The following SATB1 variants were observed in gnomAD, a reference collection of about 807,000 sequenced individuals.
SATB1 encodes the protein SATB homeobox 1.
Under a neutral mutation model 86.9 loss-of-function variants are expected in SATB1, and 11 were observed. The ratio of observed to expected loss-of-function variants is 0.13; its 90% CI spans 0.08 to 0.21. The LOEUF is 0.21. Ranked by LOEUF, SATB1 falls within the 10% of genes least tolerant of loss-of-function variation. The probability of loss-of-function intolerance (pLI) is 1.00; values close to 1 mark genes in which losing one functional copy is unlikely to be tolerated. For missense variants in SATB1, 551 were observed against 937.6 expected, an observed-to-expected ratio of 0.59 and a Z score of 5.39; for synonymous variants, 357 against 357.2, an observed-to-expected ratio of 1.00 and a Z score of 0.01.
chr3:18,364,646 G>A (rs543342973), intron 9 of SATB1, among the ~76,000 whole-genome samples: 1 of 151,970 alleles, frequency 6.6e-6, no homozygotes, highest in Admixed American at 6.6e-5. Context: ...CCCTAAATGG[G>A]TGACCCTTCC....
chr3:18,392,222 T>C (rs1019722853), intron 7 of SATB1, among the ~76,000 whole-genome samples: 2 of 152,212 alleles, frequency 1.3e-5, no homozygotes, highest in African/African-American at 2.4e-5. Context: ...GTTTTTGATA[T>C]TAACCACAGA....
intron 7 of SATB1, among the ~76,000 whole-genome samples, chr3:18,387,929 G>A (rs115404483): frequency 3.3e-5 from 5 of 152,230 alleles, no homozygotes; most frequent in African/African-American, 1.2e-4. Context: ...TTGCCGAAAT[G>A]CAACAGTTGG....
chr3:18,415,013 C>T, intron 5 of SATB1, 98 bp downstream of exon 5: 1 of 1,401,586 alleles, frequency 7.1e-7, no homozygotes, highest in Non-Finnish European at 9.8e-7. Context: ...CAGATTCTTG[C>T]TTCAGATACC....
chr3:18,410,912 G>A, intron 5 of SATB1: 1 of 388,974 alleles, frequency 2.6e-6, no homozygotes, highest in Non-Finnish European at 4.5e-6. Context: ...ACACCTAAGT[G>A]TATTTAATTC....
At chr3:18,435,238 C>T (rs1176340650) in intron 2 of SATB1, 3 of 151,842 alleles carry the variant, frequency 2.0e-5, no homozygotes, top group South Asian at 2.1e-4. Context: ...AGTAGGAATG[C>T]ATAATGGTGC....
In SATB1 at chr3:18,374,714, C is replaced by T. The variant is rs570932583; in HGVS notation, c.1575+3456G>A. On this transcript the variant is annotated intron_variant, in intron 9 of 10. Transcript: ENST00000338745. ...GAATCCACGAGTTGGCTTCTTTTAC[C>T]GAAAATACACTGTGCATTAGTCACT... is the stretch of plus-strand genomic sequence containing the variant. Among the ~76,000 whole-genome samples, 30 of 152,088 alleles carry T rather than the reference C, an allele frequency of 2.0e-4. 1 individual carries two copies. The South Asian group carries it at 4.2e-3, about 21-fold the overall frequency.
intron 9 of SATB1, among the ~76,000 whole-genome samples, chr3:18,354,547 T>C (rs1694536370): frequency 1.3e-5 from 2 of 152,188 alleles, no homozygotes; most frequent in Admixed American, 1.3e-4. Context: ...TCCAAGAATT[T>C]TTTTTTAGAA....
intron 2 of SATB1, chr3:18,417,842 G>A: frequency 1.8e-6 from 1 of 561,064 alleles, no homozygotes; most frequent in Non-Finnish European, 3.1e-6. Context: ...GATAGAAAAG[G>A]AAACTGACAT....
At chr3:18,367,377 A>G (rs972293927) in intron 9 of SATB1, among the ~76,000 whole-genome samples, 7 of 152,218 alleles carry the variant, frequency 4.6e-5, no homozygotes, top group African/African-American at 1.7e-4. Context: ...AAAACAACAA[A>G]GAACATTAAA....
At chr3:18,445,073 G>C (rs1213359782) in intron 1 of SATB1, 6 of 369,380 alleles carry the variant, frequency 1.6e-5, no homozygotes, top group Non-Finnish European at 2.2e-5. Context: ...CGCGCATCCA[G>C]ACGTGGCGCT....
intron 8 of SATB1, among the ~76,000 whole-genome samples, chr3:18,382,452 C>A (rs971645927): frequency 2.6e-5 from 4 of 152,134 alleles, no homozygotes; most frequent in African/African-American, 9.7e-5. Context: ...AAAGTATACC[C>A]TTACGGTAGA....
At position 18,414,996 on chromosome 3, in the gene SATB1, T is replaced by C. The variant is rs1698039973; in HGVS notation, c.639+115A>G. The C allele has an allele frequency of 4.1e-6, 5 of 1,218,864 alleles. No homozygotes were observed. In the South Asian group the frequency reaches 7.1e-5, roughly 17 times the overall value. The allele number at this position is 1,218,864 out of a possible 1,614,324, so 75.5% of individuals were successfully genotyped here. On this transcript the variant is annotated intron_variant, in intron 5 of 10. Coordinates refer to ENST00000338745, the MANE Select transcript of SATB1 (RefSeq NM_002971.6). ...TCACCAGTGGTCAAGTCACTTTGCA[T>C]TTTTGGCAGATTCTTGCTTCAGATA...
intron 9 of SATB1, among the ~76,000 whole-genome samples, chr3:18,368,060 C>T (rs1258325590): frequency 6.6e-6 from 1 of 152,092 alleles, no homozygotes; most frequent in African/African-American, 2.4e-5. Flanking sequence ...TTGACTTATC[C>T]CACACAACTA....
intron 8 of SATB1, among the ~76,000 whole-genome samples, chr3:18,379,478 C>A (rs1023770702): frequency 2.0e-5 from 3 of 152,154 alleles, no homozygotes; most frequent in East Asian, 1.9e-4. Flanking sequence ...CCATCCTGGA[C>A]AATTTCTCAC....
chr3:18,357,542 T>A (rs1403455722), intron 9 of SATB1, among the ~76,000 whole-genome samples: 1 of 17,624 alleles, frequency 5.7e-5, no homozygotes, highest in Non-Finnish European at 9.7e-5. Flanking sequence ...TAGAGGGCAA[T>A]TTTTTTTTTT....
At chr3:18,367,761 A>G (rs1013029189) in intron 9 of SATB1, among the ~76,000 whole-genome samples, 2 of 152,208 alleles carry the variant, frequency 1.3e-5, no homozygotes, top group Admixed American at 6.5e-5. Context: ...CTTTTGTATT[A>G]ACAGGCATGC....
chr3:18,400,191 C>G (rs1435577128), intron 5 of SATB1, among the ~76,000 whole-genome samples: 1 of 152,112 alleles, frequency 6.6e-6, no homozygotes, highest in Non-Finnish European at 1.5e-5. Context: ...AGGCCAAGTT[C>G]CATGTTAGAA....
intron 2 of SATB1, among the ~76,000 whole-genome samples, chr3:18,431,162 G>C (rs909649175): frequency 3.3e-5 from 5 of 152,110 alleles, no homozygotes; most frequent in Non-Finnish European, 7.4e-5. Flanking sequence ...AAGAAGGAAG[G>C]ATTCTTGAAA....
chr3:18,408,541 A>T (rs1455121216), intron 5 of SATB1: 3 of 152,052 alleles, frequency 2.0e-5, no homozygotes, highest in Non-Finnish European at 4.4e-5. Context: ...AATGAGCTGC[A>T]GAACCAGGGC....
Sources: allele counts gnomAD v4.1 joint callset (sites outside exome capture counted in the v4.1 genomes callset), GRCh38; gene constraint gnomAD v4.1.1; transcripts MANE v1.5; gene names NCBI Gene and HGNC (gene_info 2026-07-23, HGNC 2026-07-21).